The following B3GALT1 variants were observed in gnomAD, a reference collection of about 807,000 sequenced individuals.
B3GALT1 encodes the protein beta-1,3-galactosyltransferase 1, also known as UDP-Gal:betaGlcNAc beta 1,3-galactosyltransferase, polypeptide 1.
A neutral mutation model predicts 23.2 loss-of-function variants in B3GALT1; 10 were observed. The observed-to-expected ratio is 0.43, with a 90% CI of 0.27 to 0.73. The LOEUF (loss-of-function observed/expected upper bound fraction) is 0.73. B3GALT1 is among the 30% of genes least tolerant of loss of function. B3GALT1 has a pLI of 0.21. For synonymous variants in B3GALT1, 156 were observed against 141.5 expected (o/e 1.10, Z -0.73); for missense variants, 299 against 405.4 (o/e 0.74, Z 2.25).
intron 1 of B3GALT1, among the ~76,000 whole-genome samples, chr2:167,351,312 CA>C (rs971131106): frequency 6.7e-6 from 1 of 148,834 alleles, no homozygotes; most frequent in Non-Finnish European, 1.5e-5. Context: ...CACACAAAAA[CA>C]AAAAAATGTC....
At chr2:167,421,021 T>A (rs1698540325) in intron 1 of B3GALT1, among the ~76,000 whole-genome samples, 1 of 152,326 alleles carries the variant, frequency 6.6e-6, no homozygotes, top group South Asian at 2.1e-4. Flanking sequence ...GAAATAACAG[T>A]CATTCACTAT....
intron 3 of B3GALT1, among the ~76,000 whole-genome samples, chr2:167,752,328 T>TTA (rs1395290275): frequency 2.6e-5 from 4 of 152,100 alleles, no homozygotes; most frequent in Non-Finnish European, 5.9e-5. Flanking sequence ...TTGTTACAAT[T>TTA]TATGACAAGA....
chr2:167,806,486 C>T lies in B3GALT1; in HGVS notation c.-351-12186C>T, dbSNP rs183637561. ...AGATAGCTCTTATTATTTTGAGATG[C>T]GTCCCATCAATACCTAACTTATTGA... On this transcript the variant is annotated intron_variant, in intron 3 of 4. Coordinates refer to ENST00000392690, the MANE Select transcript of B3GALT1 (RefSeq NM_020981.4). 1.4e-4 allele frequency among the ~76,000 whole-genome samples: 22 copies of T among 152,220 alleles called. No individual in the cohort carries two copies. In the East Asian group the frequency reaches 1.5e-3, roughly 11 times the overall value.
At position 167,825,672 on chromosome 2, in the gene B3GALT1, T is replaced by C. The variant is rs569655269; in HGVS notation, c.-230+6879T>C. 3.9e-5 allele frequency among the ~76,000 whole-genome samples: 6 copies of C among 152,176 alleles called. No individual in the cohort carries two copies. In the East Asian group the frequency reaches 9.7e-4, roughly 24 times the overall value. The stretch of plus-strand genomic sequence containing the variant: ...CTTTTCTCTGACCCACCCAGGGCAG[T>C]TGTTCAGAAAGCACACCACTCTTGA... On this transcript the variant is annotated intron_variant, in intron 4 of 4. Transcript: ENST00000392690.
intron 3 of B3GALT1, among the ~76,000 whole-genome samples, chr2:167,649,993 G>A (rs1270590024): frequency 2.0e-5 from 3 of 151,408 alleles, no homozygotes; most frequent in Non-Finnish European, 2.9e-5. Context: ...TGTCTTTTTC[G>A]TGACCTTAGG....
At chr2:167,801,636 G>T (rs1688640271) in intron 3 of B3GALT1, among the ~76,000 whole-genome samples, 1 of 152,016 alleles carries the variant, frequency 6.6e-6, no homozygotes, top group Admixed American at 6.6e-5. Context: ...AATCTGACTG[G>T]ATTCCTCGGA....
At chr2:167,429,875 C>T (rs1698682941) in intron 1 of B3GALT1, among the ~76,000 whole-genome samples, 1 of 152,214 alleles carries the variant, frequency 6.6e-6, no homozygotes, top group Non-Finnish European at 1.5e-5. Context: ...CATTATTCTT[C>T]ACGATCATTT....
chr2:167,830,560 C>A (rs1689327873), intron 4 of B3GALT1, among the ~76,000 whole-genome samples: 1 of 152,112 alleles, frequency 6.6e-6, no homozygotes, highest in Admixed American at 6.5e-5. Flanking sequence ...GATGATGCTA[C>A]CATTGTTGAT....
At chr2:167,489,788 G>A (rs184224102) in intron 1 of B3GALT1, among the ~76,000 whole-genome samples, 15 of 152,280 alleles carry the variant, frequency 9.9e-5, no homozygotes, top group African/African-American at 3.4e-4. Flanking sequence ...AGACAAGACT[G>A]TTTAGAACTA....
At chr2:167,831,338 T>G (rs917489877) in intron 4 of B3GALT1, among the ~76,000 whole-genome samples, 6 of 152,204 alleles carry the variant, frequency 3.9e-5, no homozygotes, top group African/African-American at 1.4e-4. Flanking sequence ...CTGGAAGCCA[T>G]GGAGAGGATT....
chr2:167,689,149 A>C (rs908843569), intron 3 of B3GALT1, among the ~76,000 whole-genome samples: 1 of 152,074 alleles, frequency 6.6e-6, no homozygotes, highest in African/African-American at 2.4e-5. Context: ...CCAAAAAAAA[A>C]AAAAAAAAAA....
In B3GALT1 at chr2:167,772,362, A is replaced by AT. The variant is rs1558974150; in HGVS notation, c.-351-46309dup. On this transcript the variant is annotated intron_variant, in intron 3 of 4. Transcript: ENST00000392690. ...TTGTGTATTATCTAATTTAGTTCTC[A>AT]TAACAACCCTGTGAAGTGAGTGCAA... Among the ~76,000 whole-genome samples, 5 of 152,334 alleles carry AT rather than the reference A, an allele frequency of 3.3e-5. No individual in the cohort carries two copies. In the East Asian group the frequency reaches 9.6e-4, roughly 29 times the overall value.
intron 2 of B3GALT1, among the ~76,000 whole-genome samples, chr2:167,498,739 A>C (rs1161693957): frequency 1.3e-5 from 2 of 152,134 alleles, no homozygotes; most frequent in African/African-American, 2.4e-5. Flanking sequence ...ACGTTCTGAA[A>C]AAGATGCAAT....
chr2:167,731,236 T>G (rs1275720135), intron 3 of B3GALT1, among the ~76,000 whole-genome samples: 1 of 152,212 alleles, frequency 6.6e-6, no homozygotes. Context: ...ATTAAATAAG[T>G]GAACAAAAAT....
chr2:167,735,252 T>C (rs1054980770), intron 3 of B3GALT1, among the ~76,000 whole-genome samples: 3 of 152,172 alleles, frequency 2.0e-5, no homozygotes, highest in African/African-American at 4.8e-5. Flanking sequence ...GAGCCCCTGG[T>C]TATATCAAAT....
At chr2:167,563,502 T>C (rs1307839914) in intron 2 of B3GALT1, among the ~76,000 whole-genome samples, 1 of 44,452 alleles carries the variant, frequency 2.2e-5, no homozygotes. Context: ...GAGGCGCCCC[T>C]CACCTCCCGG....
chr2:167,501,446 A>G (rs1234483914), intron 2 of B3GALT1, among the ~76,000 whole-genome samples: 1 of 151,982 alleles, frequency 6.6e-6, no homozygotes, highest in Non-Finnish European at 1.5e-5. Flanking sequence ...TCAAGTTTTC[A>G]GTTGCTTCCA....
intron 1 of B3GALT1, among the ~76,000 whole-genome samples, chr2:167,454,217 G>A (rs200105780): frequency 5.3e-5 from 8 of 151,326 alleles, no homozygotes; most frequent in East Asian, 1.9e-4. Context: ...GTGTGCGCAC[G>A]CGCGCGTGCA....
intron 3 of B3GALT1, among the ~76,000 whole-genome samples, chr2:167,752,538 C>A (rs1195290298): frequency 2.0e-5 from 3 of 151,102 alleles, no homozygotes; most frequent in Non-Finnish European, 4.4e-5. Context: ...AAATAAACTG[C>A]AGACCTTTCC....
Sources: allele counts gnomAD v4.1 joint callset (sites outside exome capture counted in the v4.1 genomes callset), GRCh38; gene constraint gnomAD v4.1.1; transcripts MANE v1.5; gene names NCBI Gene and HGNC (gene_info 2026-07-23, HGNC 2026-07-21).